WWOX: variants seen among roughly 807,000 people sequenced by gnomAD.
WWOX encodes the protein WW domain containing oxidoreductase.
WWOX carries 69 observed loss-of-function variants against 46.2 expected under a neutral mutation model. That is an observed-to-expected ratio of 1.49 (90% confidence interval 1.23 to 1.82). The LOEUF (loss-of-function observed/expected upper bound fraction) is 1.82, where lower values mean the gene tolerates loss of function less well. WWOX is among the 40% of genes most tolerant of loss of function. The probability of loss-of-function intolerance (pLI) is 0.00; values close to 1 mark genes in which losing one functional copy is unlikely to be tolerated. For missense variants in WWOX, 919 were observed against 542.6 expected, an observed-to-expected ratio of 1.69 and a Z score of -6.89; for synonymous variants, 359 against 202.6, an observed-to-expected ratio of 1.77 and a Z score of -6.56.
intron 8 of WWOX, among the ~76,000 whole-genome samples, chr16:78,468,241 G>C (rs574935991): frequency 6.6e-6 from 1 of 151,248 alleles, no homozygotes; most frequent in African/African-American, 2.4e-5. Flanking sequence ...TGTTAGCTTA[G>C]CATGCTGTTC....
At chr16:79,202,459 G>A (rs1430002042) in intron 8 of WWOX, among the ~76,000 whole-genome samples, 3 of 152,138 alleles carry the variant, frequency 2.0e-5, no homozygotes, top group Non-Finnish European at 4.4e-5. Context: ...GATTCTAGAT[G>A]TTTTTTAGGA....
chr16:78,926,264 C>G (rs989420788), intron 8 of WWOX, among the ~76,000 whole-genome samples: 4 of 151,902 alleles, frequency 2.6e-5, no homozygotes, highest in Non-Finnish European at 4.4e-5. Context: ...TTTCAGCTAC[C>G]TGGGAGGCTA....
At chr16:78,443,422 G>C (rs964769077) in intron 8 of WWOX, among the ~76,000 whole-genome samples, 1 of 152,124 alleles carries the variant, frequency 6.6e-6, no homozygotes, top group African/African-American at 2.4e-5. Flanking sequence ...AAGCCCTCCA[G>C]TTGCCTGTTT....
chr16:78,742,193 C>G (rs538850428), intron 8 of WWOX, among the ~76,000 whole-genome samples: 2 of 152,296 alleles, frequency 1.3e-5, no homozygotes, highest in African/African-American at 4.8e-5. Flanking sequence ...GTCGATAAAT[C>G]AGTGTACAAA....
intron 8 of WWOX, among the ~76,000 whole-genome samples, chr16:78,677,822 C>A (rs758089726): frequency 6.6e-6 from 1 of 152,150 alleles, no homozygotes; most frequent in African/African-American, 2.4e-5. Flanking sequence ...CATTGTATTT[C>A]CTTTATGGTG....
intron 8 of WWOX, among the ~76,000 whole-genome samples, chr16:78,822,794 A>G (rs747802133): frequency 6.6e-6 from 1 of 152,212 alleles, no homozygotes; most frequent in African/African-American, 2.4e-5. Flanking sequence ...AAGGAAGTCT[A>G]CTTTCTCTTC....
At chr16:79,043,930 C>T (rs549065019) in intron 8 of WWOX, among the ~76,000 whole-genome samples, 7 of 152,186 alleles carry the variant, frequency 4.6e-5, no homozygotes, top group Non-Finnish European at 1.0e-4. Flanking sequence ...TCACTCTGCT[C>T]GGACCTTTCT....
chr16:79,070,432 A>G (rs917319317), intron 8 of WWOX, among the ~76,000 whole-genome samples: 1 of 152,172 alleles, frequency 6.6e-6, no homozygotes, highest in East Asian at 1.9e-4. Context: ...ATCAGTCCAG[A>G]TGCCCTTTTT....
intron 8 of WWOX, among the ~76,000 whole-genome samples, chr16:78,860,552 G>A (rs545757446): frequency 1.3e-5 from 2 of 152,288 alleles, no homozygotes; most frequent in African/African-American, 4.8e-5. Context: ...TTCTAAGAGG[G>A]AAAGATACTG....
At chr16:78,684,006 G>T (rs750474402) in intron 8 of WWOX, among the ~76,000 whole-genome samples, 6 of 152,140 alleles carry the variant, frequency 3.9e-5, no homozygotes, top group Non-Finnish European at 5.9e-5. Flanking sequence ...CTCTTTTTCT[G>T]ACTAGCTGAT....
chr16:78,475,980 C>A (rs2084339696), intron 8 of WWOX, among the ~76,000 whole-genome samples: 1 of 152,088 alleles, frequency 6.6e-6, no homozygotes, highest in African/African-American at 2.4e-5. Context: ...TTGGACCTAC[C>A]TAGGTTTTTC....
chr16:79,040,509 C>T (rs2047950547), intron 8 of WWOX, among the ~76,000 whole-genome samples: 2 of 152,086 alleles, frequency 1.3e-5, no homozygotes, highest in South Asian at 2.1e-4. Flanking sequence ...CTCCTGAGCT[C>T]AGGTGATCTA....
intron 5 of WWOX, among the ~76,000 whole-genome samples, chr16:78,326,578 C>CCG (rs2080625425): frequency 8.2e-5 from 2 of 24,330 alleles, no homozygotes; most frequent in South Asian, 8.4e-3. Context: ...CCTCCCCCCG[C>CCG]CCCCCCCCCC....
chr16:78,607,064 G>A (rs1413235127), intron 8 of WWOX, among the ~76,000 whole-genome samples: 1 of 152,070 alleles, frequency 6.6e-6, no homozygotes. Context: ...TGCAAATGGT[G>A]GCCAAGGGGC....
chr16:78,819,046 G>A (rs754353613), intron 8 of WWOX, among the ~76,000 whole-genome samples: 15 of 152,256 alleles, frequency 9.9e-5, no homozygotes, highest in Middle Eastern at 3.4e-3. Flanking sequence ...AAACGATAAC[G>A]GCGAAGCACT....
intron 8 of WWOX, among the ~76,000 whole-genome samples, chr16:78,534,099 C>T (rs908815767): frequency 6.6e-6 from 1 of 152,186 alleles, no homozygotes. Flanking sequence ...ATCATTGAAT[C>T]CCTGAGTTAT....
chr16:78,981,536 C>T (rs1164737382), intron 8 of WWOX, among the ~76,000 whole-genome samples: 5 of 151,818 alleles, frequency 3.3e-5, no homozygotes, highest in Admixed American at 2.0e-4. Flanking sequence ...TTTCCGGGTT[C>T]AGGTGATTCT....
At chr16:78,312,487 GC>G (rs1382328949) in intron 5 of WWOX, among the ~76,000 whole-genome samples, 1 of 150,758 alleles carries the variant, frequency 6.6e-6, no homozygotes, top group Non-Finnish European at 1.5e-5. Flanking sequence ...AAGCAGTTCT[GC>G]CTCAGCCTCC....
intron 5 of WWOX, among the ~76,000 whole-genome samples, chr16:78,334,557 T>G (rs905684631): frequency 6.6e-6 from 1 of 152,126 alleles, no homozygotes; most frequent in Non-Finnish European, 1.5e-5. Context: ...ATCATTCTGT[T>G]CAATTATTTT....
Sources: gnomAD v4.1 joint callset for allele counts (sites outside exome capture counted in the v4.1 genomes callset) on GRCh38, gnomAD v4.1.1 for gene constraint, MANE v1.5 for transcripts, NCBI Gene and HGNC (gene_info 2026-07-23, HGNC 2026-07-21) for gene names.